The following CCDC73 variants were observed in gnomAD, a reference collection of about 807,000 sequenced individuals.
The protein encoded by CCDC73 is coiled-coil domain-containing protein 73.
In CCDC73, 95 loss-of-function variants were observed where a neutral mutation model predicts 116.5. The ratio of observed to expected loss-of-function variants is 0.82; its 90% confidence interval spans 0.69 to 0.97. The LOEUF is 0.97. Among genes scored for constraint, CCDC73 ranks in the 50% least tolerant of loss-of-function variants. CCDC73 has a pLI of 0.00. For missense variants in CCDC73, 1,066 were observed against 1,206.8 expected (o/e 0.88, Z 1.73); for synonymous variants, 398 against 401.3 (o/e 0.99, Z 0.10).
intron 17 of CCDC73, among the ~76,000 whole-genome samples, chr11:32,607,716 T>G (rs1184629466): frequency 6.6e-6 from 1 of 151,986 alleles, no homozygotes; most frequent in East Asian, 1.9e-4. Context: ...ATACACCAAG[T>G]GGAAACTATA....
the CCDC73 span, among the ~76,000 whole-genome samples, chr11:32,820,918 A>AT: frequency 3.3e-5 from 5 of 151,872 alleles, no homozygotes; most frequent in South Asian, 2.1e-4. Flanking sequence ...TTTTTAACTG[A>AT]TTTTTTTCTT....
intron 1 of CCDC73, among the ~76,000 whole-genome samples, chr11:32,791,737 G>A (rs748267904): frequency 2.6e-5 from 4 of 152,120 alleles, no homozygotes; most frequent in East Asian, 1.9e-4. Flanking sequence ...GCAATTGCTC[G>A]AGCTCAGGAG....
At chr11:32,716,745 T>C (rs1010605600) in intron 3 of CCDC73, among the ~76,000 whole-genome samples, 5 of 152,106 alleles carry the variant, frequency 3.3e-5, no homozygotes, top group African/African-American at 1.2e-4. Flanking sequence ...TATTTTTTAA[T>C]AGAGACAAGG....
In CCDC73 at chr11:32,756,771, A is replaced by T. The variant is rs189847539; in HGVS notation, c.135+3338T>A. Among the ~76,000 whole-genome samples, 3 of 152,202 alleles carry T rather than the reference A, an allele frequency of 2.0e-5. No homozygotes were observed. The East Asian group carries it at 5.8e-4, about 29-fold the overall frequency. On this transcript the variant is annotated intron_variant, in intron 2 of 17. Coordinates refer to ENST00000335185, the MANE Select transcript of CCDC73 (RefSeq NM_001008391.4). ...ACTTTTTTATCTTCAAAAACTAAAT[A>T]TAATTATTCATTTTTAATTGTATCA...
chr11:32,793,945 T>A (rs1403197938), intron 1 of CCDC73, among the ~76,000 whole-genome samples: 1 of 152,096 alleles, frequency 6.6e-6, no homozygotes, highest in Non-Finnish European at 1.5e-5. Context: ...ATTATCAGGA[T>A]TAGCAGGGCA....
At chr11:32,626,368 G>T (rs182790220) in intron 14 of CCDC73, among the ~76,000 whole-genome samples, 7,419 of 151,852 alleles carry the variant, frequency 0.049, 215 homozygotes, top group East Asian at 0.12. Context: ...TCATGGGTAG[G>T]AATAATCAAT....
the CCDC73 span, among the ~76,000 whole-genome samples, chr11:32,815,338 CTTTTTTT>C: frequency 2.1e-5 from 3 of 140,756 alleles, no homozygotes; most frequent in Admixed American, 7.1e-5. Flanking sequence ...ATTATTTTTG[CTTTTTTT>C]TTTTTTTGAG....
chr11:32,702,806 T>C, intron 4 of CCDC73, 67 bp downstream of exon 4: 1 of 1,066,064 alleles, frequency 9.4e-7, no homozygotes, highest in Non-Finnish European at 1.5e-6. Context: ...CTTGCCATAA[T>C]ATTCATAGGA....
intron 6 of CCDC73, 54 bp downstream of exon 6, chr11:32,699,197 G>C: frequency 6.6e-7 from 1 of 1,504,994 alleles, no homozygotes; most frequent in Non-Finnish European, 8.9e-7. Context: ...GCATTTTACT[G>C]ATATAATGCT....
chr11:32,753,271 T>A lies in CCDC73; in HGVS notation c.135+6838A>T, dbSNP rs556719268. Among the ~76,000 whole-genome samples the A allele has an allele frequency of 3.8e-4, 57 of 151,306 alleles. No homozygotes were observed. The South Asian group carries it at 0.011, about 30-fold the overall frequency. ...CTAGTATTTGTAGAGTGTTTTTCTTTGCATTTAGTTTTTCTTTTCTGCTTT... is the reference window on the plus strand; with the variant it reads ...CTAGTATTTGTAGAGTGTTTTTCTTAGCATTTAGTTTTTCTTTTCTGCTTT... On this transcript the variant is annotated intron_variant, in intron 2 of 17. Coordinates refer to ENST00000335185, the MANE Select transcript of CCDC73 (RefSeq NM_001008391.4).
At chr11:32,678,661 G>A (rs1856114101) in intron 7 of CCDC73, among the ~76,000 whole-genome samples, 1 of 151,764 alleles carries the variant, frequency 6.6e-6, no homozygotes. Flanking sequence ...CAAGGTGGAC[G>A]GATCACAAGG....
chr11:32,606,942 A>G (rs1855359256), intron 17 of CCDC73, among the ~76,000 whole-genome samples: 1 of 149,694 alleles, frequency 6.7e-6, no homozygotes, highest in Admixed American at 6.7e-5. Context: ...ACACCCGGAC[A>G]GTTTTTGTAT....
chr11:32,660,249 A>C (rs1024242724), intron 9 of CCDC73, among the ~76,000 whole-genome samples: 4 of 150,766 alleles, frequency 2.7e-5, no homozygotes, highest in South Asian at 2.1e-4. Flanking sequence ...AAAAAAAAAA[A>C]AAAAAACAGG....
intron 9 of CCDC73, among the ~76,000 whole-genome samples, chr11:32,670,023 T>C (rs11031930): frequency 0.031 from 4,749 of 152,310 alleles, 115 homozygotes; most frequent in East Asian, 0.13. Context: ...AAAAAGATAC[T>C]AATCATATTG....
chr11:32,672,289 C>T (rs1348597272), intron 9 of CCDC73, among the ~76,000 whole-genome samples: 1 of 152,132 alleles, frequency 6.6e-6, no homozygotes, highest in Admixed American at 6.5e-5. Context: ...TTGCAATGAG[C>T]CGAGATTGCG....
chr11:32,825,773 CA>C, the CCDC73 span, among the ~76,000 whole-genome samples: 1 of 151,828 alleles, frequency 6.6e-6, no homozygotes, highest in Non-Finnish European at 1.5e-5. Flanking sequence ...AAAAAAAGGC[CA>C]AAAATTGTGT....
rs116581316 is a variant in CCDC73 at position 32,718,785 on chromosome 11, A to G, written c.136-638T>C. ...CTACCTAGGCAGACCTATCTTCCTT[A>G]TCTCCTCTAAGCAGCAGCTGGGAAG... On this transcript the variant is annotated intron_variant, in intron 2 of 17. Transcript: ENST00000335185. 7.2e-3 allele frequency among the ~76,000 whole-genome samples: 1,089 copies of G among 152,290 alleles called. 17 individuals are homozygous for G. The highest frequency in any genetic ancestry group is 0.025 in the African/African-American group (1,050 of 41,544).
intron 1 of CCDC73, among the ~76,000 whole-genome samples, chr11:32,789,616 C>CAA (rs11399601): frequency 6.6e-6 from 1 of 151,726 alleles, no homozygotes; most frequent in East Asian, 2.0e-4. Flanking sequence ...TACAAAAAAA[C>CAA]AAAAAAATTC....
intron 6 of CCDC73, among the ~76,000 whole-genome samples, chr11:32,684,412 A>C (rs1432455974): frequency 2.0e-5 from 3 of 152,218 alleles, no homozygotes; most frequent in Non-Finnish European, 2.9e-5. Flanking sequence ...GAAACTGATA[A>C]TAAACGTCTA....
Sources: gnomAD v4.1 joint callset for allele counts (sites outside exome capture counted in the v4.1 genomes callset) on GRCh38, gnomAD v4.1.1 for gene constraint, MANE v1.5 for transcripts, NCBI Gene and HGNC (gene_info 2026-07-23, HGNC 2026-07-21) for gene names.